PNPLA1: variants seen among roughly 807,000 people sequenced by gnomAD.
The protein encoded by PNPLA1 is patatin like domain 1, omega-hydroxyceramide transacylase, also known as omega-hydroxyceramide transacylase.
PNPLA1 carries 36 observed loss-of-function variants against 51.7 expected under a neutral mutation model. The observed-to-expected ratio is 0.70, with a 90% CI of 0.53 to 0.92. The LOEUF (loss-of-function observed/expected upper bound fraction) is 0.92. Ranked by LOEUF, PNPLA1 falls within the 40% of genes least tolerant of loss-of-function variation. PNPLA1 has a pLI of 0.00. For synonymous variants in PNPLA1, 293 were observed against 280.1 expected, an observed-to-expected ratio of 1.05 and a Z score of -0.46; for missense variants, 658 against 682.5, an observed-to-expected ratio of 0.96 and a Z score of 0.40.
rs12199580 is a variant in PNPLA1 at position 36,302,353 on chromosome 6, C to A, written c.1268C>A (p.Pro423His). The change falls in exon 6 of 9, where the codon CCC becomes CAC. Residue 423 changes from proline to histidine, a missense_variant. By Grantham distance (77) the Pro-to-His change is moderately conservative. Transcript: ENST00000636260. ...RSLHSQAPTS[P>H]RPSLGPSTVG... is the part of the protein sequence containing the mutation. ...CTACACTCTCAGGCACCCACTTCAC[C>A]CAGGCCATCCCTGGGGCCTTCAACT... 0.4 allele frequency: 651,434 copies of A among 1,611,662 alleles called. 137,027 individuals are homozygous for A. Among genetic ancestry groups the A allele is most frequent in the Admixed American group, 0.52 (31,142 of 59,940 alleles).
chr6:36,294,478 C>T lies in PNPLA1; in HGVS notation c.714+79C>T, dbSNP rs1188735448. The T allele has an allele frequency of 5.9e-6, 8 of 1,364,378 alleles. No homozygotes were observed. The highest frequency in any genetic ancestry group is 8.2e-6 in the Non-Finnish European group (8 of 972,712). The allele number at this position is 1,364,378 out of a possible 1,614,324, so 84.5% of individuals were successfully genotyped here. A position where few individuals can be genotyped will look rare whatever the true frequency, so the allele number is the denominator to read the frequency against. ...GGGGTTAGAGAGCCACTGGGGCCCA[C>T]TCAAGTTCCATCTGAGTCTCCTCCC... On this transcript the variant is annotated intron_variant, in intron 4 of 8. Transcript: ENST00000636260. The surrounding 1 kb of genome is among the most constrained non-coding windows in gnomAD (Gnocchi z 4.2).
Position 36,270,636 on chromosome 6 carries a change from C to G in PNPLA1, c.177C>G (p.Ala59=). 2 of 1,551,262 alleles carry G rather than the reference C, an allele frequency of 1.3e-6. No individual in the cohort carries two copies. The highest frequency in any genetic ancestry group is 1.7e-6 in the Non-Finnish European group (2 of 1,147,002). ...GGACATCGGCAGGTGCTGTGATCGCCGCCCTGGCCATCTGCGGGATTGAAA... is the reference window on the plus strand; with the variant it reads ...GGACATCGGCAGGTGCTGTGATCGCGGCCCTGGCCATCTGCGGGATTGAAA... ...FAGTSAGAVI[A]ALAICGIEMD... is the part of the protein sequence containing the mutation. The change falls in exon 1 of 9, where the codon GCC becomes GCG. Residue 59 remains alanine (A), a synonymous_variant. Transcript: ENST00000636260.
chr6:36,294,136 A>G lies in PNPLA1; in HGVS notation c.505-54A>G. 1 of 1,595,530 alleles carries G rather than the reference A, an allele frequency of 6.3e-7. No homozygotes were observed. Among genetic ancestry groups the G allele is most frequent in the Admixed American group, 1.7e-5 (1 of 59,324 alleles). On this transcript the variant is annotated intron_variant, in intron 3 of 8. Transcript: ENST00000636260. The surrounding 1 kb of genome is among the most constrained non-coding windows in gnomAD (Gnocchi z 4.2). ...CCATGGGCCATTTCGATGTACCCCG[A>G]GTGGGGCTGAGAACTCTGGCCCCAA...
chr6:36,275,769 A>G (rs181678794), intron 1 of PNPLA1, among the ~76,000 whole-genome samples: 87 of 152,218 alleles, frequency 5.7e-4, no homozygotes, highest in African/African-American at 2.0e-3. Context: ...CCCATGTGAA[A>G]AGCTCTGCTG....
At chr6:36,307,243 C>A (rs1771264876) in intron 7 of PNPLA1, among the ~76,000 whole-genome samples, 1 of 152,172 alleles carries the variant, frequency 6.6e-6, no homozygotes, top group Non-Finnish European at 1.5e-5. Context: ...CTGCTTCCCA[C>A]ATTAAGTATA....
At chr6:36,268,340 A>G (rs1017640177), upstream of PNPLA1, among the ~76,000 whole-genome samples, 1 of 152,170 alleles carries the variant, frequency 6.6e-6, no homozygotes, top group Non-Finnish European at 1.5e-5. Context: ...CATAGGAATG[A>G]CAGTATTGTC....
At chr6:36,275,254 AT>A (rs886343257) in intron 1 of PNPLA1, among the ~76,000 whole-genome samples, 2 of 151,900 alleles carry the variant, frequency 1.3e-5, no homozygotes, top group African/African-American at 2.4e-5. Context: ...AATTTTAAAA[AT>A]TTTTTTGTAG....
At chr6:36,282,108 G>A (rs12664119) in intron 1 of PNPLA1, among the ~76,000 whole-genome samples, 1,334 of 76,946 alleles carry the variant, frequency 0.017, 24 homozygotes, top group African/African-American at 0.052. Flanking sequence ...AAGGAAGGAA[G>A]GAAGGAAGGA....
At position 36,291,419 on chromosome 6, in the gene PNPLA1, A is replaced by T; in HGVS notation, c.305A>T (p.Gln102Leu). ...PSCKMVQMMR[Q>L]FLYRVLPEDS... ...TGTAAGATGGTGCAGATGATGAGGC[A>T]GTTTCTGTACCGGGTCCTGCCCGAG... is the stretch of plus-strand genomic sequence containing the variant. Residue 102 changes from glutamine (Q) to leucine (L), a missense_variant, in exon 2 of 9, where the codon CAG becomes CTG. By Grantham distance (113) the Gln-to-Leu change is moderately radical. Coordinates refer to ENST00000636260, the MANE Select transcript of PNPLA1 (RefSeq NM_001374623.1). The T allele has an allele frequency of 6.2e-7, 1 of 1,614,124 alleles. No homozygotes were observed.
At chr6:36,250,122 C>G (rs568454331) in intron 1 of PNPLA1, among the ~76,000 whole-genome samples, 1 of 152,190 alleles carries the variant, frequency 6.6e-6, no homozygotes, top group Non-Finnish European at 1.5e-5. Flanking sequence ...CCACAGAGAT[C>G]GGAAATCCAG....
chr6:36,282,585 C>T (rs1321326819), intron 1 of PNPLA1, among the ~76,000 whole-genome samples: 1 of 152,228 alleles, frequency 6.6e-6, no homozygotes, highest in Non-Finnish European at 1.5e-5. Context: ...ATATGTTAAT[C>T]CATCCACCTG....
At chr6:36,273,728 C>CAAAAAAAAAAAAAAAAAAAA (rs57186870) in intron 1 of PNPLA1, among the ~76,000 whole-genome samples, 14 of 48,222 alleles carry the variant, frequency 2.9e-4, no homozygotes, top group South Asian at 3.0e-3. Context: ...GACCCCATCG[C>CAAAAAAAAAAAAAAAAAAAA]AAAAAAAAAA....
intron 1 of PNPLA1, among the ~76,000 whole-genome samples, chr6:36,284,311 G>A (rs1770409557): frequency 1.3e-5 from 2 of 152,220 alleles, no homozygotes; most frequent in Non-Finnish European, 2.9e-5. Context: ...GGTCTATGTG[G>A]AGGATTGTTA....
chr6:36,266,408 A>G (rs1769761621), upstream of PNPLA1, among the ~76,000 whole-genome samples: 1 of 152,222 alleles, frequency 6.6e-6, no homozygotes, highest in Non-Finnish European at 1.5e-5. Flanking sequence ...GTTGTCATAG[A>G]TCCGCACACC....
intron 1 of PNPLA1, among the ~76,000 whole-genome samples, chr6:36,248,631 A>G (rs1044487081): frequency 1.2e-4 from 18 of 151,484 alleles, no homozygotes; most frequent in African/African-American, 3.9e-4. Context: ...CAATTCTCCT[A>G]TCTCAGCCTC....
intron 1 of PNPLA1, among the ~76,000 whole-genome samples, chr6:36,272,685 G>C (rs1769955592): frequency 6.6e-6 from 1 of 152,176 alleles, no homozygotes; most frequent in Non-Finnish European, 1.5e-5. Flanking sequence ...GACGTGCTTT[G>C]AAAGTAGAGC....
At position 36,274,583 on chromosome 6, in the gene PNPLA1, T is replaced by C. The variant is rs57645329; in HGVS notation, c.205+3919T>C. On this transcript the variant is annotated intron_variant, in intron 1 of 8. Transcript: ENST00000636260. The stretch of plus-strand genomic sequence containing the variant: ...TTGTGTCTCCCATGCTCACATGACA[T>C]GTATATCATTCTAGGGTATTTGTGT... Among the ~76,000 whole-genome samples, 68 of 152,286 alleles carry C rather than the reference T, an allele frequency of 4.5e-4. No individual in the cohort carries two copies. In the East Asian group the frequency reaches 0.012, roughly 27 times the overall value.
At chr6:36,257,335 A>G (rs764489553) in intron 1 of PNPLA1, among the ~76,000 whole-genome samples, 14 of 152,224 alleles carry the variant, frequency 9.2e-5, no homozygotes, top group Non-Finnish European at 1.3e-4. Context: ...TTCTCCCAGT[A>G]CAAGACATTT....
rs375192867 is a variant in PNPLA1 at position 36,291,415 on chromosome 6, A to G, written c.301A>G (p.Arg101Gly). 9.3e-6 allele frequency: 15 copies of G among 1,613,984 alleles called. No individual in the cohort carries two copies. The highest frequency in any genetic ancestry group is 1.3e-5 in the Non-Finnish European group (15 of 1,180,012). The change falls in exon 2 of 9, where the codon AGG becomes GGG. Residue 101 changes from arginine (R) to glycine (G), a missense_variant. Transcript: ENST00000636260. The part of the protein sequence containing the change: ...SPSCKMVQMM[R>G]QFLYRVLPED... ...GTCCTGTAAGATGGTGCAGATGATG[A>G]GGCAGTTTCTGTACCGGGTCCTGCC...
Sources: allele counts gnomAD v4.1 joint callset (sites outside exome capture counted in the v4.1 genomes callset), GRCh38; gene constraint gnomAD v4.1.1; non-coding constraint Gnocchi (gnomAD v3.1); transcripts MANE v1.5; gene names NCBI Gene and HGNC (gene_info 2026-07-23, HGNC 2026-07-21).